FGF7: variants seen among roughly 807,000 people sequenced by gnomAD.
FGF7 encodes the protein fibroblast growth factor 7.
A neutral mutation model predicts 20.5 loss-of-function variants in FGF7; 6 were observed. The ratio of observed to expected loss-of-function variants is 0.29; its 90% CI spans 0.16 to 0.58. FGF7 has a LOEUF of 0.58. Ranked by LOEUF, FGF7 falls within the 20% of genes least tolerant of loss-of-function variation. FGF7 has a pLI of 0.90. For missense variants in FGF7, 144 were observed against 228.8 expected (o/e 0.63, Z 2.39); for synonymous variants, 64 against 74.7 (o/e 0.86, Z 0.74).
chr15:49,450,946 C>A (rs2052663745), intron 2 of FGF7, among the ~76,000 whole-genome samples: 3 of 152,088 alleles, frequency 2.0e-5, no homozygotes, highest in South Asian at 2.1e-4. Context: ...TAATCAACTC[C>A]TTTGAATGCT....
At chr15:49,460,019 C>A (rs2053651688) in intron 2 of FGF7, among the ~76,000 whole-genome samples, 1 of 152,144 alleles carries the variant, frequency 6.6e-6, no homozygotes, top group Non-Finnish European at 1.5e-5. Flanking sequence ...TCACTTTCTT[C>A]CCTTGACACC....
At chr15:49,455,204 C>T (rs1162234996) in intron 2 of FGF7, among the ~76,000 whole-genome samples, 1 of 152,148 alleles carries the variant, frequency 6.6e-6, no homozygotes, top group Non-Finnish European at 1.5e-5. Flanking sequence ...TGGTGATATT[C>T]CTGTTCACCT....
chr15:49,467,372 A>G (rs1224935564), intron 2 of FGF7, among the ~76,000 whole-genome samples: 3 of 152,060 alleles, frequency 2.0e-5, no homozygotes, highest in Non-Finnish European at 4.4e-5. Flanking sequence ...CTCTCAGAGA[A>G]GGTATAGTCA....
rs1485546067 is a variant in FGF7, at chr15:49,426,372, T to C, written c.286+1789T>C. On this transcript the variant is annotated intron_variant, in intron 2 of 3. Transcript: ENST00000267843. ...AGCTGTCAGAACTAATTTCAAATTATAGCAATAAGGTTACCAAACCTTAAC... is the reference window on the plus strand; with the variant it reads ...AGCTGTCAGAACTAATTTCAAATTACAGCAATAAGGTTACCAAACCTTAAC... Among the ~76,000 whole-genome samples the C allele has an allele frequency of 2.4e-4, 37 of 151,990 alleles. 1 individual carries two copies. Among genetic ancestry groups the C allele is most frequent in the Admixed American group, 2.3e-3 (35 of 15,228 alleles).
chr15:49,458,283 A>C (rs2053496907), intron 2 of FGF7, among the ~76,000 whole-genome samples: 1 of 151,514 alleles, frequency 6.6e-6, no homozygotes. Context: ...GAGAAAAAGA[A>C]CCCCCCCACG....
chr15:49,439,717 T>C (rs1452001156), intron 2 of FGF7, among the ~76,000 whole-genome samples: 1 of 151,778 alleles, frequency 6.6e-6, no homozygotes. Context: ...CGTGGCTCTC[T>C]TCTCTTACTG....
intron 2 of FGF7, among the ~76,000 whole-genome samples, chr15:49,470,368 A>C (rs1392819293): frequency 6.6e-6 from 1 of 152,158 alleles, no homozygotes; most frequent in Non-Finnish European, 1.5e-5. Flanking sequence ...TTTTATTACC[A>C]ATAAGCAATT....
chr15:49,462,255 T>C (rs2053868818), intron 2 of FGF7, among the ~76,000 whole-genome samples: 1 of 152,208 alleles, frequency 6.6e-6, no homozygotes, highest in Non-Finnish European at 1.5e-5. Flanking sequence ...CATATATGAG[T>C]ACACTGAAAG....
At chr15:49,452,400 A>T (rs750350936) in intron 2 of FGF7, among the ~76,000 whole-genome samples, 8 of 152,126 alleles carry the variant, frequency 5.3e-5, no homozygotes, top group Non-Finnish European at 1.0e-4. Context: ...CATATTTGTG[A>T]AAATTAAAAT....
At position 49,487,923 on chromosome 15, in the gene FGF7, G is replaced by A. The variant is rs2152039273; in HGVS notation, c.*3419G>A. The A allele has an allele frequency of 6.6e-6, 1 of 152,066 alleles. No individual in the cohort carries two copies. The highest frequency in any genetic ancestry group is 3.4e-3 in the Middle Eastern group (1 of 294). 9.4% of individuals were successfully genotyped at this position (152,066 alleles called of 1,614,324 possible). On this transcript the variant is annotated 3_prime_UTR_variant, in exon 4 of 4. Coordinates refer to ENST00000267843, the MANE Select transcript of FGF7 (RefSeq NM_002009.4). ...CCCTACTCCACTGCCATTTACTTGA[G>A]CGTGAATGAGACACAAAAGATTATT...
chr15:49,457,273 A>T (rs1391664690), intron 2 of FGF7, among the ~76,000 whole-genome samples: 1 of 152,064 alleles, frequency 6.6e-6, no homozygotes, highest in Non-Finnish European at 1.5e-5. Flanking sequence ...CAAATGCGGT[A>T]ACAACGGTGT....
intron 2 of FGF7, among the ~76,000 whole-genome samples, chr15:49,444,714 T>G (rs1338389175): frequency 6.6e-6 from 1 of 151,732 alleles, no homozygotes. Flanking sequence ...TTCCGGGGTC[T>G]GTCTCAAAGG....
intron 2 of FGF7, among the ~76,000 whole-genome samples, chr15:49,453,256 T>A (rs996830329): frequency 3.3e-5 from 5 of 152,098 alleles, no homozygotes; most frequent in African/African-American, 1.2e-4. Context: ...TAAAAATATA[T>A]ACATATTTTC....
At chr15:49,480,708 C>T (rs56248339) in intron 2 of FGF7, among the ~76,000 whole-genome samples, 7,963 of 152,124 alleles carry the variant, frequency 0.052, 361 homozygotes, top group East Asian at 0.23. Flanking sequence ...GTATTGAATT[C>T]CTGACCTCAA....
At chr15:49,478,382 G>C (rs1440269065) in intron 2 of FGF7, among the ~76,000 whole-genome samples, 1 of 151,204 alleles carries the variant, frequency 6.6e-6, no homozygotes, top group Non-Finnish European at 1.5e-5. Context: ...GTATATGTTG[G>C]ATATATTGAT....
At chr15:49,465,261 GTGGGATTACAGGCACC>G (rs1368022576) in intron 2 of FGF7, among the ~76,000 whole-genome samples, 1 of 151,420 alleles carries the variant, frequency 6.6e-6, no homozygotes, top group East Asian at 1.9e-4. Flanking sequence ...TCCCAAGTAG[GTGGGATTACAGGCACC>G]TGCCACCATG....
intron 2 of FGF7, among the ~76,000 whole-genome samples, chr15:49,455,145 G>A (rs2053162813): frequency 6.6e-6 from 1 of 152,086 alleles, no homozygotes; most frequent in Non-Finnish European, 1.5e-5. Flanking sequence ...GCTGTTAATT[G>A]GCGTCTCAGG....
At chr15:49,446,036 T>C (rs10519226) in intron 2 of FGF7, among the ~76,000 whole-genome samples, 29,589 of 151,422 alleles carry the variant, frequency 0.2, 3,287 homozygotes, top group Non-Finnish European at 0.25. Context: ...TTAGTTTTCT[T>C]GTACATTAAA....
Position 49,467,187 on chromosome 15 carries a change from G to A in FGF7, c.287-15964G>A, listed in dbSNP as rs185021413. On this transcript the variant is annotated intron_variant, in intron 2 of 3. Coordinates refer to ENST00000267843, the MANE Select transcript of FGF7 (RefSeq NM_002009.4). ...AGTGGATGTGTAGTTTATCATCTAA[G>A]CTGCTGTCTCTGAATTAGATAAAGT... Among the ~76,000 whole-genome samples, 342 of 152,254 alleles carry A rather than the reference G, an allele frequency of 2.2e-3. 1 individual carries two copies. Among genetic ancestry groups the A allele is most frequent in the Non-Finnish European group, 3.5e-3 (239 of 67,978 alleles).
Sources: gnomAD v4.1 joint callset for allele counts (sites outside exome capture counted in the v4.1 genomes callset) on GRCh38, gnomAD v4.1.1 for gene constraint, MANE v1.5 for transcripts, NCBI Gene and HGNC (gene_info 2026-07-23, HGNC 2026-07-21) for gene names.